Variants in POMP observed in about 807,000 individuals in gnomAD.
POMP encodes the protein 2510048O06Rik.
A neutral mutation model predicts 20.6 loss-of-function variants in POMP; 12 were observed. That is an observed-to-expected ratio of 0.58 (90% CI 0.37 to 0.94). POMP has a LOEUF of 0.94. Among genes scored for constraint, POMP ranks in the 40% least tolerant of loss-of-function variants. POMP has a pLI of 0.01. For missense variants in POMP, 136 were observed against 161.1 expected (o/e 0.84, Z 0.84); for synonymous variants, 53 against 55.0 (o/e 0.96, Z 0.16).
At chr13:28,662,630 C>G (rs1290767993) in intron 2 of POMP, 123 bp downstream of exon 2, 15 of 796,338 alleles carry the variant, frequency 1.9e-5, no homozygotes, top group Admixed American at 4.0e-5. Context: ...ATATACCTTA[C>G]ATGGGGTGCA....
chr13:28,675,870 G>A (rs1884619251), intron 5 of POMP, among the ~76,000 whole-genome samples: 1 of 152,102 alleles, frequency 6.6e-6, no homozygotes, highest in Non-Finnish European at 1.5e-5. Flanking sequence ...TGAGGGGGCT[G>A]CCACACAGCT....
chr13:28,659,249 C>T (rs766452964), intron 1 of POMP, 62 bp downstream of exon 1: 134 of 1,557,826 alleles, frequency 8.6e-5, no homozygotes, highest in Non-Finnish European at 1.0e-4. Context: ...TCGGCAGAAA[C>T]AGGCAGTCGC....
chr13:28,668,304 T>G (rs1160460937), intron 3 of POMP, among the ~76,000 whole-genome samples, 169 bp from the exon 4 acceptor site: 1 of 152,216 alleles, frequency 6.6e-6, no homozygotes, highest in Non-Finnish European at 1.5e-5. Flanking sequence ...AATATAGACA[T>G]ATGTGGTCTA....
rs2137795039 is a variant in POMP, at chr13:28,668,382, A to G, written c.163-91A>G. 5 of 891,780 alleles carry G rather than the reference A, an allele frequency of 5.6e-6. No homozygotes were observed. The South Asian group carries it at 7.0e-5, about 13-fold the overall frequency. 55.2% of individuals were successfully genotyped at this position (891,780 alleles called of 1,614,324 possible). ...ACAGGTATGGATATTAAAATTCTTC[A>G]TCTAACTATTGTGTTATATATATGC... On this transcript the variant is annotated intron_variant, in intron 3 of 5. Transcript: ENST00000380842.
At chr13:28,661,436 A>G (rs1566106235) in intron 1 of POMP, among the ~76,000 whole-genome samples, 1 of 152,212 alleles carries the variant, frequency 6.6e-6, no homozygotes, top group Non-Finnish European at 1.5e-5. Context: ...ACTGCATTCC[A>G]GCCTGGATGA....
chr13:28,676,435 T>G (rs1329179508), intron 5 of POMP, among the ~76,000 whole-genome samples: 1 of 152,228 alleles, frequency 6.6e-6, no homozygotes, highest in Non-Finnish European at 1.5e-5. Context: ...ATGTGATATT[T>G]TTCTTATTTA....
intron 4 of POMP, among the ~76,000 whole-genome samples, chr13:28,669,421 G>A (rs1159151229): frequency 6.6e-6 from 1 of 152,016 alleles, no homozygotes; most frequent in Non-Finnish European, 1.5e-5. Context: ...TGTCATCCAG[G>A]CTGGAGTGCA....
At chr13:28,668,401 T>C (rs1229468736) in intron 3 of POMP, 72 bp from the exon 4 acceptor site, 6 of 1,015,934 alleles carry the variant, frequency 5.9e-6, no homozygotes, top group Non-Finnish European at 9.3e-6. Flanking sequence ...TTGTGTTATA[T>C]ATATGCCACT....
At chr13:28,659,309 C>G (rs1884291268) in intron 1 of POMP, 122 bp downstream of exon 1, 5 of 1,474,708 alleles carry the variant, frequency 3.4e-6, no homozygotes, top group African/African-American at 2.8e-5. Context: ...GGGGCTGAGG[C>G]CGGCCTCAGG....
chr13:28,676,136 C>G (rs910638121), intron 5 of POMP, among the ~76,000 whole-genome samples: 1 of 152,064 alleles, frequency 6.6e-6, no homozygotes, highest in Admixed American at 6.5e-5. Context: ...TCCTGAGTAG[C>G]TGGGACTACA....
chr13:28,672,637 G>A (rs1030834637), intron 5 of POMP, among the ~76,000 whole-genome samples: 1 of 152,032 alleles, frequency 6.6e-6, no homozygotes, highest in East Asian at 1.9e-4. Context: ...GGTGGCTCAC[G>A]TGTAATCCCA....
intron 1 of POMP, among the ~76,000 whole-genome samples, chr13:28,661,234 G>A (rs1884334291): frequency 6.6e-6 from 1 of 152,172 alleles, no homozygotes; most frequent in Admixed American, 6.5e-5. Context: ...GGGTGCTGAG[G>A]CAGGAAGATG....
chr13:28,671,559 T>C (rs1490319508), intron 4 of POMP, among the ~76,000 whole-genome samples: 1 of 151,888 alleles, frequency 6.6e-6, no homozygotes, highest in Admixed American at 6.6e-5. Flanking sequence ...TGTACTCTGA[T>C]CTAACTACCA....
At position 28,677,771 on chromosome 13, in the gene POMP, T is replaced by G. The variant is rs1884654453; in HGVS notation, c.359-264T>G. 2.0e-5 allele frequency among the ~76,000 whole-genome samples: 3 copies of G among 152,232 alleles called. No individual in the cohort carries two copies. The South Asian group carries it at 6.2e-4, about 31-fold the overall frequency. On this transcript the variant is annotated intron_variant, in intron 5 of 5. Transcript: ENST00000380842. ...TTATTGACATACAATAAAGTACACC[T>G]ATTTTTAAGTGTACAGTTCTGTGGG... is the stretch of plus-strand genomic sequence containing the variant.
In POMP at chr13:28,662,352, C is replaced by T. The variant is rs1340815; in HGVS notation, c.4-58C>T. 491,393 of 1,290,764 alleles carry T rather than the reference C, an allele frequency of 0.38. 97,826 individuals are homozygous for T. The highest frequency in any genetic ancestry group is 0.56 in the Admixed American group (32,497 of 58,436). 80.0% of individuals were successfully genotyped at this position (1,290,764 alleles called of 1,614,324 possible). On this transcript the variant is annotated intron_variant, in intron 1 of 5. Coordinates refer to ENST00000380842, the MANE Select transcript of POMP (RefSeq NM_015932.6). ...TTAAACAATATTTTTGACACAGCTG[C>T]CTGGGTGTGTGTTTAAATTTTTTTT...
At chr13:28,669,703 A>G (rs1884513272) in intron 4 of POMP, among the ~76,000 whole-genome samples, 1 of 152,154 alleles carries the variant, frequency 6.6e-6, no homozygotes, top group Non-Finnish European at 1.5e-5. Context: ...GTCTCTGTGT[A>G]GGTTCCATTT....
intron 5 of POMP, 70 bp from the exon 6 acceptor site, chr13:28,677,965 G>A (rs1344904457): frequency 6.9e-7 from 1 of 1,451,992 alleles, no homozygotes; most frequent in African/African-American, 1.4e-5. Context: ...GGATTCTTAT[G>A]TAAGCAGAAT....
At chr13:28,677,392 T>C (rs1472438017) in intron 5 of POMP, among the ~76,000 whole-genome samples, 1 of 152,244 alleles carries the variant, frequency 6.6e-6, no homozygotes, top group Non-Finnish European at 1.5e-5. Context: ...ATTAGGTTTT[T>C]ATTCTGTTTC....
At chr13:28,670,635 C>G (rs2480483) in intron 4 of POMP, among the ~76,000 whole-genome samples, 6,780 of 152,350 alleles carry the variant, frequency 0.045, 509 homozygotes, top group African/African-American at 0.15. Flanking sequence ...ACTTCTTATC[C>G]TCTTAAACTA....
Sources: allele counts gnomAD v4.1 joint callset (sites outside exome capture counted in the v4.1 genomes callset), GRCh38; gene constraint gnomAD v4.1.1; transcripts MANE v1.5; gene names NCBI Gene and HGNC (gene_info 2026-07-23, HGNC 2026-07-21).